Variants in RPGR observed in about 807,000 individuals in gnomAD.
RPGR encodes retinitis pigmentosa GTPase regulator, also known as X-linked retinitis pigmentosa GTPase regulator.
RPGR carries 10 observed loss-of-function variants against 56.3 expected under a neutral mutation model. The ratio of observed to expected loss-of-function variants is 0.18; its 90% CI spans 0.11 to 0.30. The LOEUF (loss-of-function observed/expected upper bound fraction) is 0.30, where lower values mean the gene tolerates loss of function less well. RPGR is among the 10% of genes least tolerant of loss of function. The pLI is 1.00. For synonymous variants in RPGR, 197 were observed against 212.9 expected (o/e 0.93, Z 0.65); for missense variants, 538 against 590.9 (o/e 0.91, Z 0.93).
chrX:38,270,750 A>G (rs2066830805), intron 18 of RPGR, among the ~76,000 whole-genome samples: 1 of 110,974 alleles, frequency 9.0e-6, no homozygotes, highest in African/African-American at 3.3e-5. Flanking sequence ...GATATGTAGA[A>G]TATAGATAAT....
intron 1 of RPGR, chrX:38,326,951 G>A (rs749072876): frequency 1.1e-4 from 16 of 150,767 alleles, no homozygotes; most frequent in African/African-American, 4.7e-4. Flanking sequence ...GCAGCTACTC[G>A]GAGGCTAAGG....
chrX:38,287,040 A>G (rs1042343001), intron 15 of RPGR: 1 of 1,208,564 alleles, frequency 8.3e-7, no homozygotes, highest in Admixed American at 2.2e-5. Flanking sequence ...CATCCCCTCT[A>G]CCTTCAGGCC....
intron 2 of RPGR, 99 bp from the exon 3 acceptor site, chrX:38,323,044 C>T: frequency 4.6e-6 from 3 of 655,483 alleles, no homozygotes; most frequent in Non-Finnish European, 7.5e-6. Context: ...TTTAAAATGT[C>T]ACTGCTTTTC....
At chrX:38,285,430 A>T in intron 15 of RPGR, 1 of 1,149,277 alleles carries the variant, frequency 8.7e-7, no homozygotes, top group Admixed American at 2.8e-5. Flanking sequence ...TTTTTACTAC[A>T]CATAAAATAA....
rs189577211 is a variant in RPGR, at chrX:38,270,805, A to C, written c.2242-973T>G. 7.6e-3 allele frequency among the ~76,000 whole-genome samples: 843 copies of C among 110,391 alleles called. 9 individuals are homozygous for C. The highest frequency in any genetic ancestry group is 0.027 in the African/African-American group (813 of 30,269). On this transcript the variant is annotated intron_variant, in intron 18 of 18. Coordinates refer to ENST00000642395, the MANE Select transcript of RPGR (RefSeq NM_000328.3). ...CCCCGATAACCCAGAGATTCCAGGCAGGTAGAAAACAGAATATAAGAAAAG... is the reference window on the plus strand; with the variant it reads ...CCCCGATAACCCAGAGATTCCAGGCCGGTAGAAAACAGAATATAAGAAAAG...
intron 16 of RPGR, chrX:38,275,173 C>T (rs1569229085): frequency 8.5e-7 from 1 of 1,170,123 alleles, no homozygotes; most frequent in Non-Finnish European, 1.2e-6. Flanking sequence ...AGCAATATAA[C>T]AAAAAATATT....
intron 7 of RPGR, 55 bp downstream of exon 7, chrX:38,310,560 A>C: frequency 8.5e-7 from 1 of 1,171,644 alleles, no homozygotes; most frequent in East Asian, 3.0e-5. Flanking sequence ...ACATTAAAAA[A>C]ATTTCATTAG....
chrX:38,271,910 AAAGT>A (rs1222996811), intron 18 of RPGR, among the ~76,000 whole-genome samples: 1 of 112,774 alleles, frequency 8.9e-6, no homozygotes, highest in Non-Finnish European at 1.9e-5. Context: ...TAGAATAAAA[AAAGT>A]AAGCATAAAA....
At chrX:38,289,118 A>C (rs1270868611) in intron 13 of RPGR, among the ~76,000 whole-genome samples, 2 of 111,613 alleles carry the variant, frequency 1.8e-5, no homozygotes, top group African/African-American at 6.5e-5. Flanking sequence ...TGAGTCCACA[A>C]AATTCACAAA....
At chrX:38,299,215 T>G in intron 9 of RPGR, 74 bp from the exon 10 acceptor site, 1 of 1,052,313 alleles carries the variant, frequency 9.5e-7, no homozygotes, top group Non-Finnish European at 1.3e-6. Context: ...AGTTATCAGC[T>G]GTAAGACATT....
At chrX:38,318,770 G>T in intron 5 of RPGR, 59 bp downstream of exon 5, 2 of 1,143,458 alleles carry the variant, frequency 1.7e-6, no homozygotes, top group Non-Finnish European at 2.4e-6. Flanking sequence ...TACTGAGTTG[G>T]CATATATTGA....
chrX:38,310,811 C>G (rs1235975743), intron 6 of RPGR, 38 bp from the exon 7 acceptor site: 1 of 1,180,238 alleles, frequency 8.5e-7, no homozygotes, highest in Non-Finnish European at 1.1e-6. Context: ...TGATGACATA[C>G]ATATGAACAA....
At position 38,322,974 on chromosome X, in the gene RPGR, T is replaced by C. The variant is rs746159564; in HGVS notation, c.155-29A>G. The C allele has an allele frequency of 6.5e-6, 7 of 1,070,901 alleles. No individual in the cohort carries two copies. In the African/African-American group the frequency reaches 7.3e-5, roughly 11 times the overall value. 88.3% of individuals were successfully genotyped at this position (1,070,901 alleles called of 1,213,427 possible). A position where few individuals can be genotyped will look rare whatever the true frequency, so the allele number is the denominator to read the frequency against. On this transcript the variant is annotated intron_variant, in intron 2 of 18. Coordinates refer to ENST00000642395, the MANE Select transcript of RPGR (RefSeq NM_000328.3). ...GTAGGAGGGAAAAAGAAATAATCAA[T>C]TGAAGCATTTTTCACATAATGTAAG...
Position 38,287,887 on chromosome X carries a change from A to T in RPGR, c.1727T>A (p.Ile576Asn), listed in dbSNP as rs1433714669. The T allele has an allele frequency of 8.3e-7, 1 of 1,208,952 alleles. No homozygotes were observed. Among genetic ancestry groups the T allele is most frequent in the Non-Finnish European group, 1.1e-6 (1 of 894,593 alleles). ...TACTTCCTCATCTGAAAATGCTTCG[A>T]TAGTCGTAGCTGGCTGCGTCATGAA... The change falls in exon 14 of 19, where the codon ATC (isoleucine) becomes AAC (asparagine). Residue 576 changes from isoleucine to asparagine, a missense_variant. Physicochemically the swap from Ile to Asn is moderately radical, Grantham distance 149. Coordinates refer to ENST00000642395, the MANE Select transcript of RPGR (RefSeq NM_000328.3).
chrX:38,320,899 C>T (rs1475472031), intron 4 of RPGR, 128 bp downstream of exon 4: 3 of 543,173 alleles, frequency 5.5e-6, no homozygotes, highest in African/African-American at 4.6e-5. Flanking sequence ...TAGCCATTGA[C>T]ATTTTAAAAA....
chrX:38,276,454 A>G, intron 16 of RPGR: 1 of 634,150 alleles, frequency 1.6e-6, no homozygotes, highest in South Asian at 2.5e-5. Context: ...CTTATGGCAC[A>G]TGAATTCATG....
At chrX:38,277,593 T>C (rs1258076278) in intron 15 of RPGR, among the ~76,000 whole-genome samples, 1 of 111,704 alleles carries the variant, frequency 9.0e-6, no homozygotes, top group African/African-American at 3.3e-5. Context: ...GTTATAACTT[T>C]ATAGTTTATT....
chrX:38,301,214 G>GA lies in RPGR; in HGVS notation c.1059+32dup, dbSNP rs760872228. On this transcript the variant is annotated intron_variant, in intron 9 of 18. Coordinates refer to ENST00000642395, the MANE Select transcript of RPGR (RefSeq NM_000328.3). ...CTGAAAGACTCAAATACAGTAATAT[G>GA]AAAATATAAACAGGGAAATGTGATG... 2.6e-6 allele frequency: 3 copies of GA among 1,143,178 alleles called. No homozygotes were observed. In the East Asian group the frequency reaches 9.1e-5, roughly 35 times the overall value. 94.2% of individuals were successfully genotyped at this position (1,143,178 alleles called of 1,213,427 possible).
chrX:38,316,613 T>C (rs1458004263), intron 6 of RPGR, among the ~76,000 whole-genome samples: 3 of 111,404 alleles, frequency 2.7e-5, no homozygotes, highest in Non-Finnish European at 1.9e-5. Context: ...TTATTCACTT[T>C]CTCCCTCATT....
Sources: gnomAD v4.1 joint callset for allele counts (sites outside exome capture counted in the v4.1 genomes callset) on GRCh38, gnomAD v4.1.1 for gene constraint, MANE v1.5 for transcripts, NCBI Gene and HGNC (gene_info 2026-07-23, HGNC 2026-07-21) for gene names.